The following VIPR2 variants were observed in gnomAD, a reference collection of about 807,000 sequenced individuals.
VIPR2 encodes vasoactive intestinal peptide receptor 2, also known as vasoactive intestinal polypeptide receptor 2.
Under a neutral mutation model 58.0 loss-of-function variants are expected in VIPR2, and 48 were observed. The ratio of observed to expected loss-of-function variants is 0.83; its 90% CI spans 0.66 to 1.05. The LOEUF is 1.05. VIPR2 is among the 50% of genes least tolerant of loss of function. VIPR2 has a pLI of 0.00. For synonymous variants in VIPR2, 243 were observed against 235.2 expected (o/e 1.03, Z -0.30); for missense variants, 534 against 558.0 (o/e 0.96, Z 0.43).
intron 1 of VIPR2, chr7:159,144,215 C>T: frequency 1.6e-6 from 2 of 1,287,378 alleles, no homozygotes; most frequent in East Asian, 6.1e-5. Context: ...GTTAGTTCCT[C>T]CAGTGCCCTT....
intron 6 of VIPR2, among the ~76,000 whole-genome samples, chr7:159,041,822 G>T (rs1055148952): frequency 6.6e-6 from 1 of 152,100 alleles, no homozygotes; most frequent in East Asian, 1.9e-4. Context: ...AAGGGCAGGG[G>T]ATCTGCAGAG....
intron 10 of VIPR2, among the ~76,000 whole-genome samples, chr7:159,033,615 T>C (rs751867325): frequency 6.6e-6 from 1 of 152,180 alleles, no homozygotes; most frequent in Non-Finnish European, 1.5e-5. Context: ...CTTCATCTAC[T>C]GAAGGGAGAT....
chr7:159,105,650 A>G (rs1350544006), intron 3 of VIPR2, among the ~76,000 whole-genome samples: 2 of 151,990 alleles, frequency 1.3e-5, no homozygotes, highest in African/African-American at 4.8e-5. Flanking sequence ...AGGGGCTCTG[A>G]CTACAAGGCC....
At chr7:159,040,257 T>C (rs757690533) in intron 6 of VIPR2, among the ~76,000 whole-genome samples, 1 of 152,128 alleles carries the variant, frequency 6.6e-6, no homozygotes, top group Non-Finnish European at 1.5e-5. Context: ...CCCACAGGGT[T>C]GATGTGAGGA....
At chr7:159,105,552 G>A (rs912717622) in intron 3 of VIPR2, among the ~76,000 whole-genome samples, 4 of 152,140 alleles carry the variant, frequency 2.6e-5, no homozygotes, top group African/African-American at 4.8e-5. Context: ...GGCTCTGGCT[G>A]TACTGGGGAG....
intron 4 of VIPR2, among the ~76,000 whole-genome samples, chr7:159,101,499 C>G (rs189341933): frequency 1.3e-5 from 1 of 74,788 alleles, no homozygotes; most frequent in Non-Finnish European, 2.5e-5. Flanking sequence ...TTCCCCCGAC[C>G]GTTCCTGTGG....
intron 6 of VIPR2, among the ~76,000 whole-genome samples, chr7:159,042,359 C>T (rs570377609): frequency 2.5e-4 from 38 of 152,224 alleles, no homozygotes; most frequent in African/African-American, 7.9e-4. Flanking sequence ...CTTGGTAGAA[C>T]GGCCTGCATG....
chr7:159,050,399 T>C (rs1045836552), intron 5 of VIPR2, among the ~76,000 whole-genome samples: 12 of 148,612 alleles, frequency 8.1e-5, no homozygotes, highest in Admixed American at 3.3e-4. Context: ...ACAATAGCGA[T>C]TCAGATGCTA....
At chr7:159,071,871 C>A (rs1856417909) in intron 4 of VIPR2, among the ~76,000 whole-genome samples, 1 of 148,996 alleles carries the variant, frequency 6.7e-6, no homozygotes, top group East Asian at 2.1e-4. Context: ...GGGAACCCTG[C>A]AGCACCTGCT....
At chr7:159,122,500 T>G (rs1403132854) in intron 2 of VIPR2, among the ~76,000 whole-genome samples, 1 of 152,176 alleles carries the variant, frequency 6.6e-6, no homozygotes, top group Admixed American at 6.5e-5. Context: ...AAAACAGGCC[T>G]GGCAACAAAG....
chr7:159,104,262 C>G (rs1256591755), intron 3 of VIPR2, among the ~76,000 whole-genome samples: 1 of 152,020 alleles, frequency 6.6e-6, no homozygotes, highest in East Asian at 1.9e-4. Flanking sequence ...CTCCTCCCGG[C>G]CAGGCCCTCA....
chr7:159,043,272 A>G, intron 5 of VIPR2, 96 bp from the exon 6 acceptor site: 1 of 1,107,458 alleles, frequency 9.0e-7, no homozygotes, highest in Non-Finnish European at 1.2e-6. Context: ...CTATGATCAG[A>G]GAAGCACAGA....
intron 4 of VIPR2, among the ~76,000 whole-genome samples, chr7:159,071,017 A>G (rs1263808789): frequency 6.6e-6 from 1 of 152,304 alleles, no homozygotes; most frequent in East Asian, 1.9e-4. Context: ...CCGGCAAGAA[A>G]TCCTTCCTGT....
intron 1 of VIPR2, among the ~76,000 whole-genome samples, chr7:159,144,128 C>G (rs1366334630): frequency 1.1e-4 from 17 of 151,660 alleles, no homozygotes; most frequent in Admixed American, 1.1e-3. Flanking sequence ...TTTTTCTTTC[C>G]TTTTTTTTTA....
At chr7:159,121,140 C>G (rs368066536) in intron 2 of VIPR2, among the ~76,000 whole-genome samples, 1 of 152,164 alleles carries the variant, frequency 6.6e-6, no homozygotes, top group Non-Finnish European at 1.5e-5. Context: ...GGGTGGGAGA[C>G]TGCTCCTGAC....
intron 2 of VIPR2, among the ~76,000 whole-genome samples, chr7:159,120,225 C>G (rs988103983): frequency 4.7e-4 from 71 of 152,184 alleles, no homozygotes; most frequent in Non-Finnish European, 5.4e-4. Context: ...GTTTTTCTCA[C>G]TGTATTTGTC....
At chr7:159,057,089 T>C (rs926540964) in intron 5 of VIPR2, among the ~76,000 whole-genome samples, 1 of 152,186 alleles carries the variant, frequency 6.6e-6, no homozygotes, top group Non-Finnish European at 1.5e-5. Context: ...ATGCTGTACA[T>C]ATGTGAAGGA....
chr7:159,108,688 A>G (rs919651407), intron 3 of VIPR2, among the ~76,000 whole-genome samples: 1 of 152,212 alleles, frequency 6.6e-6, no homozygotes, highest in African/African-American at 2.4e-5. Context: ...GTGCTTGCTA[A>G]TGTGCAAACT....
chr7:159,130,991 C>A (rs964789899), intron 2 of VIPR2, among the ~76,000 whole-genome samples: 3 of 152,134 alleles, frequency 2.0e-5, no homozygotes, highest in Non-Finnish European at 4.4e-5. Context: ...CATCCAAGGC[C>A]CAGCATGGCA....
Sources: allele counts gnomAD v4.1 joint callset (sites outside exome capture counted in the v4.1 genomes callset), GRCh38; gene constraint gnomAD v4.1.1; transcripts MANE v1.5; gene names NCBI Gene and HGNC (gene_info 2026-07-23, HGNC 2026-07-21).